Variants in ACBD6 observed in about 807,000 individuals in gnomAD.
ACBD6 encodes acyl-CoA binding domain containing 6, also known as acyl-CoA-binding domain-containing protein 6.
ACBD6 carries 28 observed loss-of-function variants against 37.2 expected under a neutral mutation model. The ratio of observed to expected loss-of-function variants is 0.75; its 90% confidence interval spans 0.56 to 1.03. The LOEUF (loss-of-function observed/expected upper bound fraction) is 1.03, where lower values mean the gene tolerates loss of function less well. ACBD6 is among the 50% of genes least tolerant of loss of function. ACBD6 has a pLI of 0.00. For missense variants in ACBD6, 340 were observed against 337.4 expected (o/e 1.01, Z -0.06); for synonymous variants, 113 against 126.8 (o/e 0.89, Z 0.73).
intron 6 of ACBD6, among the ~76,000 whole-genome samples, chr1:180,341,854 G>A (rs780404148): frequency 3.3e-5 from 5 of 151,842 alleles, no homozygotes; most frequent in Non-Finnish European, 7.4e-5. Flanking sequence ...CCATCTACAC[G>A]CTTACAAACT....
intron 6 of ACBD6, among the ~76,000 whole-genome samples, chr1:180,345,016 C>T (rs1652127877): frequency 6.6e-6 from 1 of 152,176 alleles, no homozygotes; most frequent in Non-Finnish European, 1.5e-5. Flanking sequence ...TTCTTTACCT[C>T]TGCATCAGTT....
chr1:180,444,075 A>G (rs964122706), intron 3 of ACBD6, among the ~76,000 whole-genome samples: 1 of 152,050 alleles, frequency 6.6e-6, no homozygotes, highest in Non-Finnish European at 1.5e-5. Flanking sequence ...CCAGGAACAT[A>G]AGTCCTACAA....
intron 3 of ACBD6, among the ~76,000 whole-genome samples, chr1:180,437,450 G>T (rs531542428): frequency 6.6e-6 from 1 of 152,224 alleles, no homozygotes; most frequent in Non-Finnish European, 1.5e-5. Context: ...ATGTTGGGGA[G>T]AAATCCCCAC....
At chr1:180,275,853 AG>A (rs1339850290) in intron 9 of ACBD6, 1 of 152,230 alleles carries the variant, frequency 6.6e-6, no homozygotes, top group Non-Finnish European at 1.5e-5. Context: ...GTGGTGGTGC[AG>A]GGACTCCCCG....
At chr1:180,307,686 G>T (rs1650434412) in intron 7 of ACBD6, among the ~76,000 whole-genome samples, 1 of 152,188 alleles carries the variant, frequency 6.6e-6, no homozygotes, top group South Asian at 2.1e-4. Context: ...TGGGTACAGT[G>T]GCTCATGCCT....
intron 6 of ACBD6, among the ~76,000 whole-genome samples, chr1:180,330,804 T>C (rs1420224143): frequency 1.3e-5 from 2 of 152,180 alleles, no homozygotes; most frequent in Non-Finnish European, 2.9e-5. Flanking sequence ...TGGAGTAAAA[T>C]AGGTACAGTG....
intron 1 of ACBD6, among the ~76,000 whole-genome samples, chr1:180,498,532 T>C (rs1427997156): frequency 1.3e-5 from 2 of 152,182 alleles, no homozygotes; most frequent in East Asian, 1.9e-4. Context: ...TCACACAAAA[T>C]GTAAGACTTG....
chr1:180,362,371 A>G (rs1652884232), intron 6 of ACBD6, among the ~76,000 whole-genome samples: 1 of 152,316 alleles, frequency 6.6e-6, no homozygotes, highest in Middle Eastern at 3.4e-3. Flanking sequence ...CTATGTTTTG[A>G]GTCCACCCTA....
chr1:180,430,009 G>A lies in ACBD6; in HGVS notation c.467+171C>T, dbSNP rs184894595. Among the ~76,000 whole-genome samples the A allele has an allele frequency of 1.9e-4, 29 of 152,166 alleles. No homozygotes were observed. In the East Asian group the frequency reaches 5.6e-3, roughly 29 times the overall value. On this transcript the variant is annotated intron_variant, in intron 4 of 7. Coordinates refer to ENST00000367595, the MANE Select transcript of ACBD6 (RefSeq NM_032360.4). Reference sequence around the variant, plus strand: ...TTTCCTGTCATTTATTGTCCTGCTGGCAAATACCACCAAATCAGTTTCATG... The same window carrying A: ...TTTCCTGTCATTTATTGTCCTGCTGACAAATACCACCAAATCAGTTTCATG...
intron 6 of ACBD6, among the ~76,000 whole-genome samples, chr1:180,337,596 G>T (rs1651793680): frequency 6.6e-6 from 1 of 152,202 alleles, no homozygotes; most frequent in African/African-American, 2.4e-5. Context: ...ATGGGCACAA[G>T]ACAGGGATGC....
At chr1:180,327,807 T>C (rs144983295) in intron 6 of ACBD6, among the ~76,000 whole-genome samples, 222 of 152,334 alleles carry the variant, frequency 1.5e-3, no homozygotes, top group African/African-American at 5.1e-3. Context: ...AGCTGCAAAA[T>C]CACTACTATA....
intron 5 of ACBD6, among the ~76,000 whole-genome samples, chr1:180,400,354 G>C (rs1453196702): frequency 1.3e-5 from 2 of 152,106 alleles, no homozygotes; most frequent in African/African-American, 2.4e-5. Flanking sequence ...CACATTTTCT[G>C]ACCTGCAATG....
chr1:180,452,157 T>C (rs2102028422), intron 3 of ACBD6, among the ~76,000 whole-genome samples: 1 of 152,064 alleles, frequency 6.6e-6, no homozygotes, highest in East Asian at 1.9e-4. Flanking sequence ...GCGGGTAAGA[T>C]CTAAAATCGA....
In ACBD6 at chr1:180,274,263, T is replaced by C. The variant is rs780757244; in HGVS notation, c.*937-151A>G. 7 of 1,614,242 alleles carry C rather than the reference T, an allele frequency of 4.3e-6. No homozygotes were observed. Among genetic ancestry groups the C allele is most frequent in the Non-Finnish European group, 5.9e-6 (7 of 1,180,042 alleles). ...GGGGACGTTACAGGCGGACAGTTAA[T>C]GAATGGGAGCTTCTCCATGGACGGG... On this transcript the variant is annotated intron_variant, in intron 10 of 13. Coordinates refer to the ACBD6 transcript ENST00000642319.
At chr1:180,369,869 A>C (rs1215266776) in intron 6 of ACBD6, among the ~76,000 whole-genome samples, 2 of 152,234 alleles carry the variant, frequency 1.3e-5, no homozygotes, top group Non-Finnish European at 2.9e-5. Flanking sequence ...CCTGCCACAC[A>C]CAAGTTTCTA....
At chr1:180,275,550 A>ATTTGGAGTCTGTT (rs1179016944) in intron 9 of ACBD6, 3 of 152,188 alleles carry the variant, frequency 2.0e-5, no homozygotes, top group Non-Finnish European at 4.4e-5. Context: ...AGGGTGAAAT[A>ATTTGGAGTCTGTT]TTTGGAGTCT....
intron 6 of ACBD6, among the ~76,000 whole-genome samples, chr1:180,376,507 A>T (rs1005743317): frequency 1.3e-5 from 2 of 152,338 alleles, no homozygotes; most frequent in South Asian, 4.1e-4. Context: ...CTGTAAATAA[A>T]AATCTTCATG....
At chr1:180,420,261 AC>A (rs1648300032) in intron 4 of ACBD6, among the ~76,000 whole-genome samples, 1 of 152,106 alleles carries the variant, frequency 6.6e-6, no homozygotes, top group Non-Finnish European at 1.5e-5. Context: ...TTTTTGCCAT[AC>A]TCACAATCTT....
chr1:180,426,490 A>G (rs1329270396), intron 4 of ACBD6, among the ~76,000 whole-genome samples: 1 of 152,220 alleles, frequency 6.6e-6, no homozygotes, highest in African/African-American at 2.4e-5. Flanking sequence ...GGTATAAATG[A>G]AAAACAGCTG....
Sources: gnomAD v4.1 joint callset for allele counts (sites outside exome capture counted in the v4.1 genomes callset) on GRCh38, gnomAD v4.1.1 for gene constraint, MANE v1.5 for transcripts, NCBI Gene and HGNC (gene_info 2026-07-23, HGNC 2026-07-21) for gene names.